WIPF3: variants seen among roughly 807,000 people sequenced by gnomAD.
WIPF3 encodes the protein WAS/WASL interacting protein family member 3, also known as WAS/WASL-interacting protein family member 3.
Under a neutral mutation model 38.9 loss-of-function variants are expected in WIPF3, and 33 were observed. The ratio of observed to expected loss-of-function variants is 0.85; its 90% CI spans 0.64 to 1.14. WIPF3 has a LOEUF of 1.14. Ranked by LOEUF, WIPF3 falls within the 50% of genes most tolerant of loss-of-function variation. WIPF3 has a pLI of 0.00. For synonymous variants in WIPF3, 324 were observed against 269.3 expected, an observed-to-expected ratio of 1.20 and a Z score of -1.99; for missense variants, 711 against 652.5, an observed-to-expected ratio of 1.09 and a Z score of -0.98.
At chr7:29,895,904 A>T (rs1455895110) in intron 7 of WIPF3, among the ~76,000 whole-genome samples, 1 of 152,230 alleles carries the variant, frequency 6.6e-6, no homozygotes, top group African/African-American at 2.4e-5. Context: ...TGGTGGGGAC[A>T]CGTATTCAAA....
chr7:29,849,156 A>G (rs1054459940), intron 2 of WIPF3, among the ~76,000 whole-genome samples: 9 of 152,128 alleles, frequency 5.9e-5, no homozygotes, highest in Admixed American at 5.9e-4. Context: ...CTGTTTTTCT[A>G]GGGATTAACG....
intron 2 of WIPF3, among the ~76,000 whole-genome samples, chr7:29,837,206 A>T (rs1325918744): frequency 6.6e-6 from 1 of 151,648 alleles, no homozygotes; most frequent in East Asian, 1.9e-4. Flanking sequence ...ATACAAAAAA[A>T]TTAGCTGGGC....
intron 1 of WIPF3, among the ~76,000 whole-genome samples, chr7:29,818,277 AC>A (rs1162471199): frequency 6.6e-6 from 1 of 151,802 alleles, no homozygotes; most frequent in Non-Finnish European, 1.5e-5. Flanking sequence ...ACATGGTGAA[AC>A]CCCCATCTCT....
intron 1 of WIPF3, 66 bp downstream of exon 1, chr7:29,806,744 C>G (rs174913): frequency 1 from 151,653 of 151,654 alleles, 75,826 homozygotes; most frequent in Non-Finnish European, 1. Context: ...GTGTGGCGGC[C>G]GCCGCCCTGG....
At chr7:29,871,411 G>A (rs926796805) in intron 2 of WIPF3, among the ~76,000 whole-genome samples, 1 of 152,174 alleles carries the variant, frequency 6.6e-6, no homozygotes, top group Non-Finnish European at 1.5e-5. Flanking sequence ...CTAATTTTCG[G>A]TTCAATGGCC....
In WIPF3 at chr7:29,893,153, G is replaced by A. The variant is rs538093817; in HGVS notation, c.1351+3746G>A. On this transcript the variant is annotated intron_variant, in intron 7 of 8. Transcript: ENST00000242140. ...GTGATCAGGGTTTGGAGAACCAGGT[G>A]CAGATGGGATCAAGGAAAGTGGAGG... Among the ~76,000 whole-genome samples, 11 of 152,328 alleles carry A rather than the reference G, an allele frequency of 7.2e-5. No homozygotes were observed. The South Asian group carries it at 1.0e-3, about 14-fold the overall frequency.
chr7:29,854,036 G>C (rs1785147188), intron 2 of WIPF3, among the ~76,000 whole-genome samples: 1 of 152,208 alleles, frequency 6.6e-6, no homozygotes, highest in African/African-American at 2.4e-5. Context: ...CTGCACGCTG[G>C]TAAACTCCCT....
rs990604629 is a variant in WIPF3, at chr7:29,816,022, T to G, written c.-58+9344T>G. On this transcript the variant is annotated intron_variant, in intron 1 of 8. Coordinates refer to ENST00000242140, the MANE Select transcript of WIPF3 (RefSeq NM_001080529.3). ...CCAAATCGTCAAGACCATTTTAATC[T>G]TTTTCTTTATTTGTATTTGCCTTTG... is the stretch of plus-strand genomic sequence containing the variant. Among the ~76,000 whole-genome samples the G allele has an allele frequency of 2.0e-5, 3 of 152,318 alleles. No individual in the cohort carries two copies. In the East Asian group the frequency reaches 5.8e-4, roughly 29 times the overall value.
intron 1 of WIPF3, among the ~76,000 whole-genome samples, chr7:29,828,688 T>C (rs2128064272): frequency 6.6e-6 from 1 of 152,332 alleles, no homozygotes; most frequent in Non-Finnish European, 1.5e-5. Flanking sequence ...CAGGTCCATG[T>C]CCTGTAGCCA....
intron 2 of WIPF3, among the ~76,000 whole-genome samples, chr7:29,853,843 G>C (rs1785144029): frequency 6.6e-6 from 1 of 152,216 alleles, no homozygotes; most frequent in Non-Finnish European, 1.5e-5. Flanking sequence ...GTGTTCACTG[G>C]TGGTGGTGTG....
At chr7:29,860,621 A>G (rs571916362) in intron 2 of WIPF3, among the ~76,000 whole-genome samples, 7 of 152,218 alleles carry the variant, frequency 4.6e-5, no homozygotes, top group Non-Finnish European at 1.0e-4. Flanking sequence ...GTATTCCTTT[A>G]TAGCAACACA....
At chr7:29,812,946 C>A (rs1477224229) in intron 1 of WIPF3, among the ~76,000 whole-genome samples, 1 of 152,216 alleles carries the variant, frequency 6.6e-6, no homozygotes, top group Non-Finnish European at 1.5e-5. Context: ...CTATTGTCAG[C>A]CTTGCTTCTT....
chr7:29,882,636 C>T (rs1174920363), intron 4 of WIPF3, among the ~76,000 whole-genome samples: 2 of 152,104 alleles, frequency 1.3e-5, no homozygotes, highest in South Asian at 4.1e-4. Context: ...TGGCTTAGCC[C>T]CTGATTGGGG....
At chr7:29,900,662 T>C (rs1786256657) in intron 7 of WIPF3, among the ~76,000 whole-genome samples, 1 of 152,148 alleles carries the variant, frequency 6.6e-6, no homozygotes, top group African/African-American at 2.4e-5. Context: ...TTCCTTCACT[T>C]AGAGATGATG....
chr7:29,845,539 T>C (rs1211151801), intron 2 of WIPF3, among the ~76,000 whole-genome samples: 2 of 152,258 alleles, frequency 1.3e-5, no homozygotes, highest in Admixed American at 1.3e-4. Context: ...TTGTACCATA[T>C]GTTGCCTCTT....
chr7:29,864,016 CATTT>C (rs1228361337), intron 2 of WIPF3, among the ~76,000 whole-genome samples: 1 of 152,020 alleles, frequency 6.6e-6, no homozygotes, highest in African/African-American at 2.4e-5. Context: ...TCTGTTATGC[CATTT>C]ATTTATTTGT....
In WIPF3 at chr7:29,891,165, TGGAGGGGGCG is replaced by T. The variant is rs1562788080; in HGVS notation, c.1351+1759_1351+1768del. Among the ~76,000 whole-genome samples, 467 of 74,484 alleles carry T rather than the reference TGGAGGGGGCG, an allele frequency of 6.3e-3. 18 individuals are homozygous for T. The highest frequency in any genetic ancestry group is 0.018 in the African/African-American group (430 of 23,800). 48.9% of individuals were successfully genotyped at this position (74,484 alleles called of 152,430 possible). On this transcript the variant is annotated intron_variant, in intron 7 of 8. Transcript: ENST00000242140. ...GGCGCGGGCCTGCCCTGTGCTCAGG[TGGAGGGGGCG>T]CGGGCCTGCCCTGTGCTCAGGTGGA... is the stretch of plus-strand genomic sequence containing the variant.
intron 1 of WIPF3, among the ~76,000 whole-genome samples, chr7:29,809,299 G>A (rs747048066): frequency 1.3e-5 from 2 of 152,214 alleles, no homozygotes; most frequent in South Asian, 2.1e-4. Context: ...TGTAAAGAAC[G>A]TGGGTTAAGG....
At chr7:29,810,875 A>C (rs895169058) in intron 1 of WIPF3, among the ~76,000 whole-genome samples, 1 of 152,050 alleles carries the variant, frequency 6.6e-6, no homozygotes, top group Non-Finnish European at 1.5e-5. Context: ...GTTTAAGGCT[A>C]ATAAGATAGA....
Sources: gnomAD v4.1 joint callset for allele counts (sites outside exome capture counted in the v4.1 genomes callset) on GRCh38, gnomAD v4.1.1 for gene constraint, MANE v1.5 for transcripts, NCBI Gene and HGNC (gene_info 2026-07-23, HGNC 2026-07-21) for gene names.